The following NAALADL2 variants were observed in gnomAD, a reference collection of about 807,000 sequenced individuals.
The protein encoded by NAALADL2 is N-acetylated alpha-linked acidic dipeptidase like 2.
In NAALADL2, 76 loss-of-function variants were observed where a neutral mutation model predicts 87.2. The ratio of observed to expected loss-of-function variants is 0.87; its 90% CI spans 0.72 to 1.05. The LOEUF is 1.05. NAALADL2 is among the 50% of genes least tolerant of loss of function. NAALADL2 has a pLI of 0.00. For synonymous variants in NAALADL2, 354 were observed against 331.0 expected (o/e 1.07, Z -0.75); for missense variants, 1,089 against 945.8 (o/e 1.15, Z -1.99).
At chr3:175,677,378 A>C (rs1734942461) in intron 11 of NAALADL2, among the ~76,000 whole-genome samples, 1 of 152,006 alleles carries the variant, frequency 6.6e-6, no homozygotes, top group Non-Finnish European at 1.5e-5. Context: ...AAATAAATAA[A>C]AATAACATAA....
chr3:174,976,117 T>A (rs1744325258), intron 1 of NAALADL2, among the ~76,000 whole-genome samples: 1 of 152,208 alleles, frequency 6.6e-6, no homozygotes, highest in Non-Finnish European at 1.5e-5. Context: ...ATTTTCATAC[T>A]TAATTTGATT....
intron 3 of NAALADL2, among the ~76,000 whole-genome samples, chr3:174,824,845 T>C (rs1244690916): frequency 1.3e-5 from 2 of 152,336 alleles, no homozygotes; most frequent in East Asian, 1.9e-4. Flanking sequence ...TGATTTACTT[T>C]ATGACATATG....
chr3:174,866,509 T>G (rs1727164587), intron 1 of NAALADL2, among the ~76,000 whole-genome samples: 1 of 151,866 alleles, frequency 6.6e-6, no homozygotes, highest in Non-Finnish European at 1.5e-5. Flanking sequence ...CTGTTAAAAC[T>G]TCAGAATAAA....
intron 3 of NAALADL2, among the ~76,000 whole-genome samples, chr3:174,778,619 C>T (rs1715533412): frequency 6.6e-6 from 1 of 151,974 alleles, no homozygotes; most frequent in African/African-American, 2.4e-5. Context: ...CTAATGCTAT[C>T]CCTCTCCTAG....
intron 1 of NAALADL2, among the ~76,000 whole-genome samples, chr3:174,981,200 T>C (rs906600129): frequency 2.0e-5 from 3 of 152,204 alleles, no homozygotes; most frequent in Admixed American, 6.5e-5. Flanking sequence ...TATTTTAAAA[T>C]ACTGCTGCAT....
intron 2 of NAALADL2, among the ~76,000 whole-genome samples, chr3:175,227,032 C>G (rs570638635): frequency 6.6e-6 from 1 of 151,818 alleles, no homozygotes; most frequent in Non-Finnish European, 1.5e-5. Flanking sequence ...AAATATCACC[C>G]GGTATAGTAT....
rs550251827 is a variant in NAALADL2 at position 174,921,002 on chromosome 3, T to A, written c.43+61552T>A. On this transcript the variant is annotated intron_variant, in intron 1 of 13. Transcript: ENST00000454872. ...CATCTCACATGGTCATGGTCCATGG[T>A]GTCCCAAATAATTACAATAGTAACA... 2.0e-5 allele frequency among the ~76,000 whole-genome samples: 3 copies of A among 152,318 alleles called. No homozygotes were observed. The East Asian group carries it at 5.8e-4, about 29-fold the overall frequency.
At chr3:175,728,387 A>T (rs574849102) in intron 11 of NAALADL2, among the ~76,000 whole-genome samples, 2 of 152,248 alleles carry the variant, frequency 1.3e-5, no homozygotes, top group African/African-American at 4.8e-5. Context: ...ACACCATTTA[A>T]TTTCTAATTT....
intron 1 of NAALADL2, among the ~76,000 whole-genome samples, chr3:174,901,826 A>G (rs528431775): frequency 3.9e-5 from 6 of 152,338 alleles, no homozygotes; most frequent in African/African-American, 1.4e-4. Context: ...CAAGTCTAAG[A>G]GAAAAATACA....
chr3:175,658,077 A>G (rs1442946659), intron 11 of NAALADL2, among the ~76,000 whole-genome samples: 3 of 150,804 alleles, frequency 2.0e-5, no homozygotes, highest in Non-Finnish European at 4.4e-5. Context: ...TCTGTGGTAG[A>G]AAATGACTGA....
intron 2 of NAALADL2, among the ~76,000 whole-genome samples, chr3:175,202,778 G>A (rs1740239464): frequency 6.6e-6 from 1 of 152,044 alleles, no homozygotes; most frequent in Non-Finnish European, 1.5e-5. Flanking sequence ...GACTCTGCTT[G>A]GGTGGGTCTT....
At chr3:174,928,414 G>A (rs919520573) in intron 1 of NAALADL2, among the ~76,000 whole-genome samples, 3 of 151,946 alleles carry the variant, frequency 2.0e-5, no homozygotes, top group Non-Finnish European at 4.4e-5. Flanking sequence ...TAATTTTTTT[G>A]CATTTTTAGT....
intron 7 of NAALADL2, among the ~76,000 whole-genome samples, chr3:175,465,473 C>CTTTTTTTTTTTT (rs71164634): frequency 9.4e-6 from 1 of 106,740 alleles, no homozygotes; most frequent in African/African-American, 3.8e-5. Context: ...TGAATTAAAT[C>CTTTTTTTTTTTT]TTTTTTTTTT....
rs545202026 is a variant in NAALADL2, at chr3:175,043,845, T to C, written c.44-52945T>C. On this transcript the variant is annotated intron_variant, in intron 1 of 13. Transcript: ENST00000454872. ...TAGATTTGTTCTACTTGCTTAAGATTGCTTTAGCTATTGAGTTTTTAGTAA... is the reference window on the plus strand; with the variant it reads ...TAGATTTGTTCTACTTGCTTAAGATCGCTTTAGCTATTGAGTTTTTAGTAA... 1.4e-4 allele frequency among the ~76,000 whole-genome samples: 21 copies of C among 152,346 alleles called. No homozygotes were observed. The South Asian group carries it at 3.7e-3, about 27-fold the overall frequency.
chr3:175,567,718 CT>C (rs536353071), intron 9 of NAALADL2, among the ~76,000 whole-genome samples: 239 of 138,080 alleles, frequency 1.7e-3, no homozygotes, highest in Non-Finnish European at 1.9e-3. Flanking sequence ...TTTTTCTTTT[CT>C]TTTTTTTTTT....
chr3:174,961,176 G>A (rs1397728612), intron 1 of NAALADL2, among the ~76,000 whole-genome samples: 2 of 149,162 alleles, frequency 1.3e-5, no homozygotes, highest in Non-Finnish European at 3.0e-5. Context: ...TAGAGATAAG[G>A]TCTCACTATG....
chr3:175,595,309 G>C (rs535858082), intron 10 of NAALADL2, among the ~76,000 whole-genome samples: 1 of 151,968 alleles, frequency 6.6e-6, no homozygotes, highest in South Asian at 2.1e-4. Context: ...ATGGTTGTAG[G>C]TGTGTGGCTG....
intron 9 of NAALADL2, among the ~76,000 whole-genome samples, chr3:175,545,536 T>C (rs1303947506): frequency 1.3e-5 from 2 of 152,102 alleles, no homozygotes; most frequent in Non-Finnish European, 2.9e-5. Context: ...TTGAATAATA[T>C]TGTTGGTTCT....
At chr3:174,732,057 C>G (rs909599481) in intron 2 of NAALADL2, among the ~76,000 whole-genome samples, 5 of 152,130 alleles carry the variant, frequency 3.3e-5, no homozygotes, top group African/African-American at 1.2e-4. Flanking sequence ...CCAAATTTGG[C>G]TGATAGACCA....
Sources: gnomAD v4.1 joint callset for allele counts (sites outside exome capture counted in the v4.1 genomes callset) on GRCh38, gnomAD v4.1.1 for gene constraint, MANE v1.5 for transcripts, NCBI Gene and HGNC (gene_info 2026-07-23, HGNC 2026-07-21) for gene names.